The following GRB14 variants were observed in gnomAD, a reference collection of about 807,000 sequenced individuals.
GRB14 encodes the protein growth factor receptor bound protein 14.
A neutral mutation model predicts 69.1 loss-of-function variants in GRB14; 38 were observed. The ratio of observed to expected loss-of-function variants is 0.55; its 90% confidence interval spans 0.42 to 0.72. The LOEUF (loss-of-function observed/expected upper bound fraction) is 0.72. GRB14 is among the 30% of genes least tolerant of loss of function. GRB14 has a pLI of 0.00. For synonymous variants in GRB14, 247 were observed against 241.3 expected (o/e 1.02, Z -0.22); for missense variants, 666 against 666.1 (o/e 1.00, Z 0.00).
intron 2 of GRB14, among the ~76,000 whole-genome samples, chr2:164,587,830 A>AC (rs1201217729): frequency 6.6e-6 from 1 of 152,162 alleles, no homozygotes; most frequent in Non-Finnish European, 1.5e-5. Context: ...CTGGACATAA[A>AC]GCTTTTCTCA....
intron 6 of GRB14, among the ~76,000 whole-genome samples, chr2:164,512,307 C>A (rs1687360189): frequency 6.6e-6 from 1 of 152,124 alleles, no homozygotes; most frequent in Non-Finnish European, 1.5e-5. Context: ...GCTGGTATTA[C>A]AGGCTTGTGC....
rs557775676 is a variant in GRB14 at position 164,512,813 on chromosome 2, A to G, written c.817-3961T>C. The stretch of plus-strand genomic sequence containing the variant: ...ACTATTTTGCAGCTCCATATCTCCT[A>G]TCAAGACCATTACCCAAACATCTGG... On this transcript the variant is annotated intron_variant, in intron 6 of 13. Transcript: ENST00000263915. Among the ~76,000 whole-genome samples the G allele has an allele frequency of 9.2e-5, 14 of 152,310 alleles. No homozygotes were observed. The South Asian group carries it at 2.5e-3, about 27-fold the overall frequency.
chr2:164,591,730 C>G (rs1269039009), intron 2 of GRB14, among the ~76,000 whole-genome samples: 4 of 152,120 alleles, frequency 2.6e-5, no homozygotes, highest in African/African-American at 9.7e-5. Flanking sequence ...ATCTATTGCT[C>G]TGGGAGGCTG....
intron 3 of GRB14, among the ~76,000 whole-genome samples, chr2:164,544,677 T>C (rs1373783012): frequency 6.6e-6 from 1 of 152,188 alleles, no homozygotes; most frequent in African/African-American, 2.4e-5. Flanking sequence ...GAAGCAAGCG[T>C]CCTTGGCAGG....
intron 8 of GRB14, among the ~76,000 whole-genome samples, chr2:164,508,212 A>G (rs1230749933): frequency 6.6e-6 from 1 of 152,226 alleles, no homozygotes; most frequent in Non-Finnish European, 1.5e-5. Flanking sequence ...AAAAGTGAAA[A>G]TCAGAACATT....
At chr2:164,582,076 C>G (rs1689420618) in intron 2 of GRB14, among the ~76,000 whole-genome samples, 1 of 152,162 alleles carries the variant, frequency 6.6e-6, no homozygotes, top group Admixed American at 6.5e-5. Flanking sequence ...ATCTTCTGCC[C>G]AGATATCTCT....
At chr2:164,576,911 T>C (rs1469505932) in intron 2 of GRB14, among the ~76,000 whole-genome samples, 6 of 149,228 alleles carry the variant, frequency 4.0e-5, no homozygotes, top group Non-Finnish European at 7.4e-5. Context: ...CTGAAACAAA[T>C]CTAGGGGGAA....
At chr2:164,498,257 G>A (rs1286489761) in intron 9 of GRB14, among the ~76,000 whole-genome samples, 2 of 151,890 alleles carry the variant, frequency 1.3e-5, no homozygotes, top group African/African-American at 4.8e-5. Context: ...ACTGATAGAA[G>A]GCAACTTTAA....
At chr2:164,552,937 TGCTCTTTCATATGCA>T (rs1688582877) in intron 2 of GRB14, among the ~76,000 whole-genome samples, 1 of 152,218 alleles carries the variant, frequency 6.6e-6, no homozygotes, top group Non-Finnish European at 1.5e-5. Flanking sequence ...ACTCTGGGAC[TGCTCTTTCATATGCA>T]GCAATAACAT....
chr2:164,614,947 G>C (rs1294672953), intron 2 of GRB14, among the ~76,000 whole-genome samples: 1 of 152,014 alleles, frequency 6.6e-6, no homozygotes, highest in East Asian at 1.9e-4. Flanking sequence ...GAAATAAAAG[G>C]CCGAGCATAT....
At chr2:164,584,680 C>T (rs564677542) in intron 2 of GRB14, among the ~76,000 whole-genome samples, 4 of 152,156 alleles carry the variant, frequency 2.6e-5, no homozygotes, top group South Asian at 4.1e-4. Context: ...TGCCACAAAT[C>T]AATGTCATTC....
intron 2 of GRB14, among the ~76,000 whole-genome samples, chr2:164,605,783 A>G (rs1690027046): frequency 6.6e-6 from 1 of 152,180 alleles, no homozygotes; most frequent in South Asian, 2.1e-4. Flanking sequence ...TTAAAACCCA[A>G]TATCTTTACT....
intron 2 of GRB14, among the ~76,000 whole-genome samples, chr2:164,553,148 A>G (rs1393366351): frequency 1.3e-5 from 2 of 152,170 alleles, no homozygotes; most frequent in African/African-American, 4.8e-5. Flanking sequence ...CTCTTATTTC[A>G]GAGAAGCTAA....
In GRB14 at chr2:164,621,268, C is replaced by T; in HGVS notation, c.42G>A (p.Arg14=). The part of the protein sequence containing the change: ...SLQDGQSAAS[R]AAARDSPLAA... ...CCAGCGGCGAATCCCGGGCAGCCGC[C>T]CTGCTCGCGGCGCTCTGCCCATCTT... The change falls in exon 1 of 14, where the codon AGG becomes AGA. Residue 14 remains arginine (R), a synonymous_variant. Coordinates refer to ENST00000263915, the MANE Select transcript of GRB14 (RefSeq NM_004490.3). This position sits in a 1 kb window ranked among gnomAD's most constrained non-coding sequence, Gnocchi z 6.0. 1 of 1,283,004 alleles carries T rather than the reference C, an allele frequency of 7.8e-7. No homozygotes were observed. The highest frequency in any genetic ancestry group is 3.2e-5 in the Admixed American group (1 of 31,286). 79.5% of individuals were successfully genotyped at this position (1,283,004 alleles called of 1,614,324 possible).
chr2:164,566,046 T>A (rs1253841088), intron 2 of GRB14, among the ~76,000 whole-genome samples: 3 of 152,262 alleles, frequency 2.0e-5, no homozygotes, highest in Admixed American at 2.0e-4. Context: ...AAATTATTTG[T>A]CAAGGGCCAC....
rs57531034 is a variant in GRB14 at position 164,527,176 on chromosome 2, AATATATATATATATATATATATAT to A, written c.482-65_482-42del. ...CAATGAGTATGTTGACAGATAGACA[AATATATATATATATATATATATAT>A]ATATATATATATATATATATACACA... On this transcript the variant is annotated intron_variant, in intron 3 of 13. Coordinates refer to ENST00000263915, the MANE Select transcript of GRB14 (RefSeq NM_004490.3). 4.2e-4 allele frequency: 104 copies of A among 249,922 alleles called. 1 individual carries two copies. The highest frequency in any genetic ancestry group is 1.5e-3 in the Middle Eastern group (1 of 664). The allele number at this position is 249,922 out of a possible 1,614,324, so 15.5% of individuals were successfully genotyped here.
chr2:164,574,194 C>T, intron 2 of GRB14: 1 of 584,648 alleles, frequency 1.7e-6, no homozygotes, highest in South Asian at 2.2e-5. Context: ...GCCATTTTTT[C>T]CCCTCCACTC....
intron 6 of GRB14, among the ~76,000 whole-genome samples, chr2:164,520,771 C>G (rs560211410): frequency 6.6e-6 from 1 of 152,032 alleles, no homozygotes; most frequent in Non-Finnish European, 1.5e-5. Flanking sequence ...CTCAACATCA[C>G]CAAAGATCAA....
At chr2:164,596,366 T>C (rs1214669192) in intron 2 of GRB14, among the ~76,000 whole-genome samples, 1 of 152,182 alleles carries the variant, frequency 6.6e-6, no homozygotes. Context: ...GTTCCTAAAA[T>C]ATTTGTGCAC....
Sources: gnomAD v4.1 joint callset for allele counts (sites outside exome capture counted in the v4.1 genomes callset) on GRCh38, gnomAD v4.1.1 for gene constraint, Gnocchi (gnomAD v3.1) non-coding constraint, MANE v1.5 for transcripts, NCBI Gene and HGNC (gene_info 2026-07-23, HGNC 2026-07-21) for gene names.